The following PTK7 variants were observed in gnomAD, a reference collection of about 807,000 sequenced individuals.
PTK7 encodes the protein protein tyrosine kinase 7 (inactive).
PTK7 carries 39 observed loss-of-function variants against 116.6 expected under a neutral mutation model. The ratio of observed to expected loss-of-function variants is 0.33; its 90% CI spans 0.26 to 0.44. The LOEUF (loss-of-function observed/expected upper bound fraction) is 0.44. Ranked by LOEUF, PTK7 falls within the 20% of genes least tolerant of loss-of-function variation. The probability of loss-of-function intolerance (pLI) is 1.00; values close to 1 mark genes in which losing one functional copy is unlikely to be tolerated. For missense variants in PTK7, 1,169 were observed against 1,425.6 expected (o/e 0.82, Z 2.90); for synonymous variants, 546 against 563.6 (o/e 0.97, Z 0.44).
intron 1 of PTK7, among the ~76,000 whole-genome samples, chr6:43,079,500 CAA>C (rs987116244): frequency 4.8e-5 from 5 of 105,022 alleles, no homozygotes; most frequent in East Asian, 2.8e-4. Context: ...GACTCCGTCT[CAA>C]AAAAAAAAAA....
At chr6:43,092,961 G>A (rs1207551216) in intron 1 of PTK7, among the ~76,000 whole-genome samples, 1 of 152,224 alleles carries the variant, frequency 6.6e-6, no homozygotes, top group East Asian at 1.9e-4. Flanking sequence ...AATAAAACCT[G>A]TTTTCCTTTT....
intron 1 of PTK7, among the ~76,000 whole-genome samples, chr6:43,094,492 G>A (rs1408446035): frequency 2.7e-5 from 4 of 149,608 alleles, no homozygotes; most frequent in African/African-American, 9.9e-5. Flanking sequence ...TTGAGACGGA[G>A]TCCGTCTCGT....
At position 43,156,906 on chromosome 6, in the gene PTK7, C is replaced by T. The variant is rs116086288; in HGVS notation, c.2722-1911C>T. On this transcript the variant is annotated intron_variant, in intron 17 of 19. Transcript: ENST00000230419. ...GAGCGAGACTTGGTCTCAAAACAAGCAAACAAACAAAAGAATCTTACAATG... is the reference window on the plus strand; with the variant it reads ...GAGCGAGACTTGGTCTCAAAACAAGTAAACAAACAAAAGAATCTTACAATG... Among the ~76,000 whole-genome samples the T allele has an allele frequency of 7.6e-3, 1,093 of 144,464 alleles. 8 individuals carry two copies. Among genetic ancestry groups the T allele is most frequent in the African/African-American group, 0.027 (1,036 of 39,032 alleles). 94.8% of individuals were successfully genotyped at this position (144,464 alleles called of 152,430 possible). A position where few individuals can be genotyped will look rare whatever the true frequency, so the allele number is the denominator to read the frequency against.
At chr6:43,149,005 G>A (rs1207167558) in intron 17 of PTK7, among the ~76,000 whole-genome samples, 3 of 142,246 alleles carry the variant, frequency 2.1e-5, no homozygotes, top group Middle Eastern at 4.2e-3. Context: ...GTTGCAGTGA[G>A]CCAAGATCGT....
At chr6:43,142,465 C>CA in intron 13 of PTK7, 166 bp downstream of exon 13, 1 of 1,083,850 alleles carries the variant, frequency 9.2e-7, no homozygotes, top group Non-Finnish European at 1.4e-6. Flanking sequence ...AGTCCTTGCT[C>CA]AGAGCCGGGC....
rs866254081 is a variant in PTK7, at chr6:43,141,554, G to A, written c.1619-114G>A. 3.1e-6 allele frequency: 4 copies of A among 1,301,398 alleles called. No individual in the cohort carries two copies. The highest frequency in any genetic ancestry group is 4.2e-6 in the Non-Finnish European group (4 of 941,462). 80.6% of individuals were successfully genotyped at this position (1,301,398 alleles called of 1,614,324 possible). A position where few individuals can be genotyped will look rare whatever the true frequency, so the allele number is the denominator to read the frequency against. On this transcript the variant is annotated intron_variant, in intron 10 of 19. Transcript: ENST00000230419. This position sits in a 1 kb window ranked among gnomAD's most constrained non-coding sequence, Gnocchi z 4.9. ...TGGCTCAGGAGTTTGGACTTTGCCT[G>A]TGGGTGGTCAGGAGCGATGGTGTGT...
At position 43,076,963 on chromosome 6, in the gene PTK7, C is replaced by T. The variant is rs1192030812; in HGVS notation, c.79+396C>T. The T allele has an allele frequency of 6.6e-7, 1 of 1,511,058 alleles. No homozygotes were observed. The highest frequency in any genetic ancestry group is 8.9e-7 in the Non-Finnish European group (1 of 1,129,392). 93.6% of individuals were successfully genotyped at this position (1,511,058 alleles called of 1,614,324 possible). ...GCGATGGAGAAAAAGGAATTCCCCA[C>T]CCCACCCGGCAGGGTCGGCCCAGGT... On this transcript the variant is annotated intron_variant, in intron 1 of 19. Transcript: ENST00000230419. The surrounding 1 kb of genome is among the most constrained non-coding windows in gnomAD (Gnocchi z 5.7).
chr6:43,120,896 T>C (rs1016145517), intron 1 of PTK7, among the ~76,000 whole-genome samples: 1 of 152,050 alleles, frequency 6.6e-6, no homozygotes, highest in Non-Finnish European at 1.5e-5. Context: ...TTTTCATTCA[T>C]TGCTACTTCC....
At chr6:43,127,499 C>T (rs369944901) in intron 1 of PTK7, among the ~76,000 whole-genome samples, 12 of 152,168 alleles carry the variant, frequency 7.9e-5, no homozygotes, top group African/African-American at 2.9e-4. Context: ...CCTTTGGTTG[C>T]GGGGACCCTG....
intron 1 of PTK7, among the ~76,000 whole-genome samples, chr6:43,108,398 C>T (rs1326963561): frequency 6.6e-5 from 9 of 137,348 alleles, no homozygotes; most frequent in Middle Eastern, 4.6e-3. Flanking sequence ...CCCGGCCAAC[C>T]TTTTTTTTTT....
At chr6:43,101,712 T>C (rs1463329661) in intron 1 of PTK7, among the ~76,000 whole-genome samples, 1 of 152,208 alleles carries the variant, frequency 6.6e-6, no homozygotes, top group Non-Finnish European at 1.5e-5. Context: ...ACAAAGTTGA[T>C]ATAGCTTTGT....
chr6:43,123,091 C>T (rs930903292), intron 1 of PTK7, among the ~76,000 whole-genome samples: 6 of 152,168 alleles, frequency 3.9e-5, no homozygotes, highest in African/African-American at 1.4e-4. Context: ...AAGCTCCCCA[C>T]TCAGCCAGGG....
intron 1 of PTK7, among the ~76,000 whole-genome samples, chr6:43,084,721 G>A (rs1486095414): frequency 6.6e-6 from 1 of 152,186 alleles, no homozygotes; most frequent in Non-Finnish European, 1.5e-5. Flanking sequence ...TTGGTAAAGT[G>A]CTAAGTAGAA....
intron 1 of PTK7, among the ~76,000 whole-genome samples, chr6:43,121,970 A>G (rs911802429): frequency 5.9e-5 from 9 of 152,080 alleles, no homozygotes; most frequent in African/African-American, 1.9e-4. Context: ...GGGGACCCCA[A>G]TTCTACAAAA....
At chr6:43,133,801 C>T (rs1000948934) in intron 7 of PTK7, 1 of 152,064 alleles carries the variant, frequency 6.6e-6, no homozygotes, top group Non-Finnish European at 1.5e-5. Flanking sequence ...GGTAACTTTG[C>T]AAAAAGATTT....
At chr6:43,123,844 G>A (rs1405890471) in intron 1 of PTK7, among the ~76,000 whole-genome samples, 4 of 152,180 alleles carry the variant, frequency 2.6e-5, no homozygotes, top group African/African-American at 7.2e-5. Context: ...CACCCTCTGC[G>A]TTTTGTGCCG....
rs528019082 is a variant in PTK7 at position 43,153,901 on chromosome 6, T to A, written c.2722-4916T>A. Among the ~76,000 whole-genome samples the A allele has an allele frequency of 2.0e-5, 3 of 152,054 alleles. 1 individual carries two copies. In the South Asian group the frequency reaches 6.2e-4, roughly 32 times the overall value. Reference sequence around the variant, plus strand: ...ATAAAAATAGGCTGGGCGTGGTGCCTCATGCCTGTAATCCAGCACTTTGGG... The same window carrying A: ...ATAAAAATAGGCTGGGCGTGGTGCCACATGCCTGTAATCCAGCACTTTGGG... On this transcript the variant is annotated intron_variant, in intron 17 of 19. Transcript: ENST00000230419.
chr6:43,120,076 C>T (rs1454524328), intron 1 of PTK7, among the ~76,000 whole-genome samples: 1 of 152,150 alleles, frequency 6.6e-6, no homozygotes, highest in African/African-American at 2.4e-5. Flanking sequence ...GGACTGTAGG[C>T]TGATAAAGCG....
In PTK7 at chr6:43,129,937, G is replaced by T. The variant is rs559949990; in HGVS notation, c.470+108G>T. ...ACCTCGCTCCATTCTGTGACCACTC[G>T]TTCCACCACCACAGTGCTCTTCACC... On this transcript the variant is annotated intron_variant, in intron 3 of 19. Coordinates refer to ENST00000230419, the MANE Select transcript of PTK7 (RefSeq NM_002821.5). The surrounding 1 kb of genome is among the most constrained non-coding windows in gnomAD (Gnocchi z 4.5). The T allele has an allele frequency of 4.5e-5, 50 of 1,106,734 alleles. No homozygotes were observed. Among genetic ancestry groups the T allele is most frequent in the Non-Finnish European group, 6.0e-5 (45 of 754,188 alleles). The allele number at this position is 1,106,734 out of a possible 1,614,324, so 68.6% of individuals were successfully genotyped here.
Sources: gnomAD v4.1 joint callset for allele counts (sites outside exome capture counted in the v4.1 genomes callset) on GRCh38, gnomAD v4.1.1 for gene constraint, Gnocchi (gnomAD v3.1) non-coding constraint, MANE v1.5 for transcripts, NCBI Gene and HGNC (gene_info 2026-07-23, HGNC 2026-07-21) for gene names.